The following MYO10 variants were observed in gnomAD, a reference collection of about 807,000 sequenced individuals.
MYO10 encodes the protein unconventional myosin-X.
MYO10 carries 133 observed loss-of-function variants against 257.3 expected under a neutral mutation model. The ratio of observed to expected loss-of-function variants is 0.52; its 90% confidence interval spans 0.45 to 0.60. The LOEUF (loss-of-function observed/expected upper bound fraction) is 0.60, where lower values mean the gene tolerates loss of function less well. Ranked by LOEUF, MYO10 falls within the 20% of genes least tolerant of loss-of-function variation. The pLI is 0.00. For synonymous variants in MYO10, 1,104 were observed against 1,028.6 expected (o/e 1.07, Z -1.40); for missense variants, 2,399 against 2,635.7 (o/e 0.91, Z 1.97).
chr5:16,826,427 C>T (rs1179577636), intron 2 of MYO10, among the ~76,000 whole-genome samples: 2 of 152,104 alleles, frequency 1.3e-5, no homozygotes, highest in African/African-American at 4.8e-5. Context: ...AACAAGAACA[C>T]AATAAAAGGT....
At chr5:16,751,115 T>C (rs1740365326) in intron 19 of MYO10, among the ~76,000 whole-genome samples, 1 of 152,202 alleles carries the variant, frequency 6.6e-6, no homozygotes, top group African/African-American at 2.4e-5. Flanking sequence ...CCCAAGTCCT[T>C]CGGTGGACTG....
intron 1 of MYO10, among the ~76,000 whole-genome samples, chr5:16,895,473 C>T (rs994618866): frequency 2.6e-5 from 4 of 152,122 alleles, no homozygotes; most frequent in South Asian, 2.1e-4. Context: ...ATCAGCTTCT[C>T]CACTACCCCT....
At chr5:16,856,612 T>C (rs186838911) in intron 2 of MYO10, among the ~76,000 whole-genome samples, 109 of 151,668 alleles carry the variant, frequency 7.2e-4, no homozygotes, top group Middle Eastern at 3.4e-3. Context: ...CAATGAATCA[T>C]TCAAGCAAAG....
chr5:16,685,116 C>T (rs1025286025), intron 29 of MYO10, among the ~76,000 whole-genome samples: 2 of 152,008 alleles, frequency 1.3e-5, no homozygotes, highest in Non-Finnish European at 2.9e-5. Flanking sequence ...TGTGTACTTC[C>T]GTGACTTCAT....
At chr5:16,795,066 C>A (rs996210901) in intron 3 of MYO10, among the ~76,000 whole-genome samples, 1 of 152,172 alleles carries the variant, frequency 6.6e-6, no homozygotes, top group Admixed American at 6.5e-5. Flanking sequence ...GGTGAGGCGG[C>A]CCAGGCCCAG....
chr5:16,724,011 C>T (rs987262787), intron 19 of MYO10, among the ~76,000 whole-genome samples: 17 of 152,136 alleles, frequency 1.1e-4, no homozygotes, highest in African/African-American at 3.6e-4. Flanking sequence ...CTGTGTGATA[C>T]TGTAATGGTG....
chr5:16,781,103 A>C (rs1382550221), intron 6 of MYO10, among the ~76,000 whole-genome samples: 1 of 149,436 alleles, frequency 6.7e-6, no homozygotes, highest in African/African-American at 2.5e-5. Context: ...TTTTTAACAC[A>C]GTGTCTCGCT....
At chr5:16,728,035 A>C (rs1315228061) in intron 19 of MYO10, among the ~76,000 whole-genome samples, 1 of 152,172 alleles carries the variant, frequency 6.6e-6, no homozygotes, top group Non-Finnish European at 1.5e-5. Flanking sequence ...ACTTGTTTCC[A>C]AAACACACAA....
intron 19 of MYO10, among the ~76,000 whole-genome samples, chr5:16,732,659 G>A (rs931721268): frequency 4.3e-4 from 65 of 152,086 alleles, no homozygotes; most frequent in African/African-American, 1.5e-3. Flanking sequence ...GCACTTACAC[G>A]ATCACTAAGG....
At chr5:16,725,376 G>A (rs928041999) in intron 19 of MYO10, among the ~76,000 whole-genome samples, 1 of 151,980 alleles carries the variant, frequency 6.6e-6, no homozygotes, top group African/African-American at 2.4e-5. Flanking sequence ...TTATAGGGGC[G>A]AGCCACTGTG....
At chr5:16,798,231 T>C (rs1317139067) in intron 3 of MYO10, among the ~76,000 whole-genome samples, 3 of 152,204 alleles carry the variant, frequency 2.0e-5, no homozygotes, top group African/African-American at 4.8e-5. Flanking sequence ...TATCCTGTTT[T>C]GGCAGCAGAA....
In MYO10 at chr5:16,666,548, C is replaced by T. The variant is rs966690273; in HGVS notation, c.*144G>A. The T allele has an allele frequency of 3.8e-5, 24 of 638,090 alleles. No homozygotes were observed. Among genetic ancestry groups the T allele is most frequent in the African/African-American group, 1.7e-4 (9 of 54,242 alleles). The allele number at this position is 638,090 out of a possible 1,614,324, so 39.5% of individuals were successfully genotyped here. A position where few individuals can be genotyped will look rare whatever the true frequency, so the allele number is the denominator to read the frequency against. ...TGAAGGCGGCAGGCAAAAGGATCCT[C>T]GGAGACACCTCCCTCAGACCAGAAG... is the stretch of plus-strand genomic sequence containing the variant. On this transcript the variant is annotated 3_prime_UTR_variant, in exon 41 of 41. Coordinates refer to ENST00000513610, the MANE Select transcript of MYO10 (RefSeq NM_012334.3).
intron 38 of MYO10, among the ~76,000 whole-genome samples, 153 bp downstream of exon 38, chr5:16,671,269 A>G (rs1256581424): frequency 6.6e-6 from 1 of 152,198 alleles, no homozygotes; most frequent in Non-Finnish European, 1.5e-5. Flanking sequence ...GTTTCATTCT[A>G]CAAACGAATG....
rs1396013688 is a variant in MYO10 at position 16,685,765 on chromosome 5, A to G, written c.3963T>C (p.Asp1321=). Residue 1321 remains aspartate, a synonymous_variant, in exon 29 of 41, where the codon GAT becomes GAC. Coordinates refer to ENST00000513610, the MANE Select transcript of MYO10 (RefSeq NM_012334.3). Reference sequence around the variant, plus strand: ...CAGCATTCTGTGGGTTTGCCTGCTCATCATGCATCTCCTGGATCTCCTGGT... The same window carrying G: ...CAGCATTCTGTGGGTTTGCCTGCTCGTCATGCATCTCCTGGATCTCCTGGT... ...STDQEIQEMH[D]EQANPQNAVG... The G allele has an allele frequency of 1.2e-6, 2 of 1,600,244 alleles. No homozygotes were observed. Among genetic ancestry groups the G allele is most frequent in the Non-Finnish European group, 1.7e-6 (2 of 1,175,526 alleles).
chr5:16,850,433 A>C (rs1373307536), intron 2 of MYO10, among the ~76,000 whole-genome samples: 1 of 151,828 alleles, frequency 6.6e-6, no homozygotes, highest in Non-Finnish European at 1.5e-5. Context: ...GCGCACCACC[A>C]CACTCAGCTA....
chr5:16,735,828 G>C (rs1739774876), intron 19 of MYO10, among the ~76,000 whole-genome samples: 1 of 152,090 alleles, frequency 6.6e-6, no homozygotes, highest in Non-Finnish European at 1.5e-5. Flanking sequence ...ATCTGAGGCT[G>C]GTCTGTGACA....
chr5:16,755,601 C>T (rs923716216), intron 18 of MYO10, among the ~76,000 whole-genome samples: 7 of 152,160 alleles, frequency 4.6e-5, no homozygotes, highest in Admixed American at 3.3e-4. Flanking sequence ...TTAGTTCCAT[C>T]GAAATGACAG....
chr5:16,687,632 G>A (rs1035407336), intron 28 of MYO10, among the ~76,000 whole-genome samples: 1 of 151,890 alleles, frequency 6.6e-6, no homozygotes, highest in Non-Finnish European at 1.5e-5. Context: ...ACGATTTACA[G>A]CAAAGCACTA....
intron 10 of MYO10, among the ~76,000 whole-genome samples, chr5:16,767,359 C>T (rs903510075): frequency 3.3e-5 from 5 of 151,400 alleles, no homozygotes; most frequent in East Asian, 2.0e-4. Context: ...TTAGTAGCGA[C>T]GGGTTTCACC....
Sources: gnomAD v4.1 joint callset for allele counts (sites outside exome capture counted in the v4.1 genomes callset) on GRCh38, gnomAD v4.1.1 for gene constraint, MANE v1.5 for transcripts, NCBI Gene and HGNC (gene_info 2026-07-23, HGNC 2026-07-21) for gene names.